RB1: variants seen among roughly 807,000 people sequenced by gnomAD.
The protein encoded by RB1 is retinoblastoma-associated protein.
A neutral mutation model predicts 135.4 loss-of-function variants in RB1; 18 were observed. The observed-to-expected ratio is 0.13, with a 90% CI of 0.09 to 0.20. RB1 has a LOEUF of 0.20. Ranked by LOEUF, RB1 falls within the 10% of genes least tolerant of loss-of-function variation. The probability of loss-of-function intolerance (pLI) is 1.00; values close to 1 mark genes in which losing one functional copy is unlikely to be tolerated. For missense variants in RB1, 868 were observed against 1,110.0 expected (o/e 0.78, Z 3.10); for synonymous variants, 365 against 373.2 (o/e 0.98, Z 0.25).
At chr13:48,317,571 T>C (rs1566178399) in intron 2 of RB1, 1 of 431,266 alleles carries the variant, frequency 2.3e-6, no homozygotes, top group Non-Finnish European at 4.1e-6. Context: ...TAAAAGCACT[T>C]CTGGCAGCAT....
intron 24 of RB1, 125 bp downstream of exon 24, chr13:48,473,515 A>G (rs1949485485): frequency 4.0e-6 from 3 of 758,744 alleles, no homozygotes; most frequent in Non-Finnish European, 6.6e-6. Flanking sequence ...TATTGCATAG[A>G]ATTTTATGAG....
chr13:48,458,754 T>C (rs1011817603), intron 19 of RB1, among the ~76,000 whole-genome samples: 3 of 152,262 alleles, frequency 2.0e-5, no homozygotes, highest in Admixed American at 6.5e-5. Context: ...CTTTATATGA[T>C]ATTTAAAGTA....
chr13:48,465,363 A>G lies in RB1; in HGVS notation c.2484A>G (p.Arg828=), dbSNP rs1949433985. Residue 828 remains arginine (R), a synonymous_variant, in exon 23 of 27, where the codon AGA becomes AGG. Transcript: ENST00000267163. ...GLPTPTKMTP[R]SRILVSIGES... ...CAACACCAACAAAAATGACTCCAAG[A>G]TCAAGGTGTGTGTTTTCTCTTTAGG... The G allele has an allele frequency of 2.5e-6, 4 of 1,599,810 alleles. No homozygotes were observed. The highest frequency in any genetic ancestry group is 3.4e-6 in the Non-Finnish European group (4 of 1,167,006).
chr13:48,409,539 T>G (rs1266905181), intron 17 of RB1, among the ~76,000 whole-genome samples: 1 of 151,180 alleles, frequency 6.6e-6, no homozygotes, highest in Admixed American at 6.6e-5. Flanking sequence ...TAGAAGGCAT[T>G]CTTTTTTAGT....
chr13:48,457,698 C>G (rs2138333431), intron 19 of RB1, among the ~76,000 whole-genome samples: 1 of 152,226 alleles, frequency 6.6e-6, no homozygotes, highest in East Asian at 1.9e-4. Context: ...CCCCCGTGCT[C>G]GTCAGCGCCC....
Position 48,381,365 on chromosome 13 carries a change from A to C in RB1, c.1617A>C (p.Glu539Asp), listed in dbSNP as rs371031574. Reference sequence around the variant, plus strand: ...TGATCGAAAGTTTTATCAAAGCAGAAGGCAACTTGACAAGAGAAATGATAA... The same window carrying C: ...TGATCGAAAGTTTTATCAAAGCAGACGGCAACTTGACAAGAGAAATGATAA... ...YKVIESFIKA[E>D]GNLTREMIKH... The change falls in exon 17 of 27, where the codon GAA (glutamate) becomes GAC (aspartate). Residue 539 changes from glutamate to aspartate, a missense_variant. Glu to Asp is a conservative substitution (Grantham distance 45). Coordinates refer to ENST00000267163, the MANE Select transcript of RB1 (RefSeq NM_000321.3). The C allele has an allele frequency of 1.2e-6, 2 of 1,612,322 alleles. No homozygotes were observed. Among genetic ancestry groups the C allele is most frequent in the Non-Finnish European group, 1.7e-6 (2 of 1,179,154 alleles).
chr13:48,452,963 G>A, intron 17 of RB1, 30 bp from the exon 18 acceptor site: 2 of 1,609,748 alleles, frequency 1.2e-6, no homozygotes, highest in South Asian at 1.1e-5. Flanking sequence ...GCTTACTAAT[G>A]TGGTTTTAAT....
Position 48,368,536 on chromosome 13 carries a change from A to G in RB1, c.1059A>G (p.Thr353=). 1 of 1,613,444 alleles carries G rather than the reference A, an allele frequency of 6.2e-7. No homozygotes were observed. The highest frequency in any genetic ancestry group is 8.5e-7 in the Non-Finnish European group (1 of 1,179,674). Residue 353 remains threonine, a synonymous_variant, in exon 11 of 27, where the codon ACA becomes ACG. Transcript: ENST00000267163. Reference sequence around the variant, plus strand: ...ACTTATTGTTATTTAGTTTTGAAACACAGAGAACACCACGAAAAAGTAACC... The same window carrying G: ...ACTTATTGTTATTTAGTTTTGAAACGCAGAGAACACCACGAAAAAGTAACC... ...LQTDSIDSFE[T]QRTPRKSNLD...
chr13:48,450,740 G>C (rs1949321745), intron 17 of RB1, among the ~76,000 whole-genome samples: 1 of 152,114 alleles, frequency 6.6e-6, no homozygotes, highest in Non-Finnish European at 1.5e-5. Context: ...AGTTTAATGG[G>C]AATAGCATTG....
intron 2 of RB1, among the ~76,000 whole-genome samples, chr13:48,332,236 T>C (rs939590346): frequency 2.0e-5 from 3 of 152,038 alleles, no homozygotes; most frequent in Non-Finnish European, 4.4e-5. Context: ...CTGGGGAGAA[T>C]GTGGAGATGT....
At chr13:48,324,097 A>G (rs1444913956) in intron 2 of RB1, among the ~76,000 whole-genome samples, 5 of 152,078 alleles carry the variant, frequency 3.3e-5, no homozygotes, top group East Asian at 1.9e-4. Flanking sequence ...GTACATATTT[A>G]TGGGATACAT....
intron 2 of RB1, among the ~76,000 whole-genome samples, chr13:48,308,533 A>T (rs1285262069): frequency 6.6e-6 from 1 of 151,058 alleles, no homozygotes; most frequent in Non-Finnish European, 1.5e-5. Flanking sequence ...GATGCCTGTA[A>T]TCTCAGCTAC....
chr13:48,354,671 A>G (rs1447449968), intron 6 of RB1, among the ~76,000 whole-genome samples: 3 of 152,160 alleles, frequency 2.0e-5, no homozygotes, highest in East Asian at 1.9e-4. Context: ...TTCAAATTAT[A>G]CTACAGAGCT....
intron 23 of RB1, 123 bp downstream of exon 23, chr13:48,465,491 A>G: frequency 9.3e-7 from 1 of 1,079,838 alleles, no homozygotes; most frequent in Non-Finnish European, 1.4e-6. Flanking sequence ...CTATTTGCTT[A>G]TTTAAGTAAC....
Position 48,339,382 on chromosome 13 carries a change from C to T in RB1, c.265-3217C>T, listed in dbSNP as rs902936408. Among the ~76,000 whole-genome samples, 7 of 152,342 alleles carry T rather than the reference C, an allele frequency of 4.6e-5. No homozygotes were observed. In the Middle Eastern group the frequency reaches 0.014, roughly 296 times the overall value. The stretch of plus-strand genomic sequence containing the variant: ...CAAGCTTCAGCAATGGCGGGCGCCC[C>T]TCTCCTAGCCTCGCTACTGCCTTGC... On this transcript the variant is annotated intron_variant, in intron 2 of 26. Transcript: ENST00000267163.
rs148980395 is a variant in RB1, at chr13:48,303,954, C to T, written c.42C>T (p.Ala14=). Residue 14 remains alanine (A), a synonymous_variant, in exon 1 of 27, where the codon GCC becomes GCT. Coordinates refer to ENST00000267163, the MANE Select transcript of RB1 (RefSeq NM_000321.3). ...CCCGAAAAACGGCCGCCACCGCCGC[C>T]GCTGCCGCCGCGGAACCCCCGGCAC... is the stretch of plus-strand genomic sequence containing the variant. ...KTPRKTAATA[A]AAAAEPPAPP... The T allele has an allele frequency of 3.0e-3, 4,546 of 1,503,378 alleles. 11 individuals carry two copies. The highest frequency in any genetic ancestry group is 3.9e-3 in the Non-Finnish European group (4,390 of 1,136,262). 93.1% of individuals were successfully genotyped at this position (1,503,378 alleles called of 1,614,324 possible).
intron 17 of RB1, among the ~76,000 whole-genome samples, chr13:48,420,616 A>G (rs955406719): frequency 1.3e-5 from 2 of 152,184 alleles, no homozygotes; most frequent in African/African-American, 4.8e-5. Context: ...TGCAGAGACA[A>G]TGATTGTCTA....
intron 17 of RB1, among the ~76,000 whole-genome samples, chr13:48,428,495 G>A (rs978051564): frequency 1.1e-4 from 17 of 152,004 alleles, no homozygotes; most frequent in African/African-American, 3.4e-4. Flanking sequence ...CACGAGATTT[G>A]GAAGGGACAA....
chr13:48,457,691 C>G (rs1237734597), intron 19 of RB1, among the ~76,000 whole-genome samples: 2 of 152,250 alleles, frequency 1.3e-5, no homozygotes, highest in East Asian at 1.9e-4. Context: ...GGCTTCCCCC[C>G]CGTGCTCGTC....
Sources: allele counts gnomAD v4.1 joint callset (sites outside exome capture counted in the v4.1 genomes callset), GRCh38; gene constraint gnomAD v4.1.1; transcripts MANE v1.5; gene names NCBI Gene and HGNC (gene_info 2026-07-23, HGNC 2026-07-21).